The following AMBP variants were observed in gnomAD, a reference collection of about 807,000 sequenced individuals.
AMBP encodes protein AMBP.
A neutral mutation model predicts 46.3 loss-of-function variants in AMBP; 37 were observed. The ratio of observed to expected loss-of-function variants is 0.80; its 90% CI spans 0.61 to 1.05. The LOEUF is 1.05. Ranked by LOEUF, AMBP falls within the 50% of genes least tolerant of loss-of-function variation. The pLI, the probability that AMBP is intolerant of heterozygous loss-of-function variation, is 0.00. For synonymous variants in AMBP, 174 were observed against 175.9 expected (o/e 0.99, Z 0.09); for missense variants, 475 against 461.2 (o/e 1.03, Z -0.27).
chr9:114,063,153 G>T (rs917076187), intron 6 of AMBP, among the ~76,000 whole-genome samples: 4 of 152,018 alleles, frequency 2.6e-5, no homozygotes, highest in African/African-American at 7.3e-5. Context: ...TTACAGGAAG[G>T]GCTGACCAGA....
intron 3 of AMBP, 117 bp downstream of exon 3, chr9:114,074,843 G>T: frequency 1.2e-6 from 1 of 855,828 alleles, no homozygotes; most frequent in Non-Finnish European, 1.9e-6. Context: ...TTGGGGGAAG[G>T]CTAGATGACA....
Position 114,072,983 on chromosome 9 carries a change from T to C in AMBP, c.498A>G (p.Arg166=). The C allele has an allele frequency of 6.2e-7, 1 of 1,613,878 alleles. No individual in the cohort carries two copies. The highest frequency in any genetic ancestry group is 8.5e-7 in the Non-Finnish European group (1 of 1,179,844). Residue 166 remains arginine, a synonymous_variant, in exon 5 of 10, where the codon AGA becomes AGG. Transcript: ENST00000265132. ...QLRETLLQDF[R]VVAQGVGIPE... Reference sequence around the variant, plus strand: ...GGATGCCCACACCCTGGGCAACCACTCTGAAGTCCTGCAGGAGAGTTTCCC... The same window carrying C: ...GGATGCCCACACCCTGGGCAACCACCCTGAAGTCCTGCAGGAGAGTTTCCC...
chr9:114,065,963 C>A lies in AMBP; in HGVS notation c.604-3205G>T, dbSNP rs556556636. Among the ~76,000 whole-genome samples, 23 of 152,326 alleles carry A rather than the reference C, an allele frequency of 1.5e-4. No homozygotes were observed. The South Asian group carries it at 4.6e-3, about 30-fold the overall frequency. ...ACACCTTAATAAACTACCTGGATTT[C>A]CCTCAGCAATGGATGTACTTTCTCA... is the stretch of plus-strand genomic sequence containing the variant. On this transcript the variant is annotated intron_variant, in intron 6 of 9. Transcript: ENST00000265132.
intron 9 of AMBP, 120 bp downstream of exon 9, chr9:114,060,805 G>T: frequency 8.4e-7 from 1 of 1,184,180 alleles, no homozygotes; most frequent in Non-Finnish European, 1.2e-6. Context: ...GAGTAGATGG[G>T]CTGCTTACCA....
Position 114,078,263 on chromosome 9 carries a change from A to C in AMBP, c.-54T>G. On this transcript the variant is annotated 5_prime_UTR_variant, in exon 1 of 10. Coordinates refer to ENST00000265132, the MANE Select transcript of AMBP (RefSeq NM_001633.4). ...CCCACAGGCTCGGTCTAGCAACAGA[A>C]GGGCCACCGCCTCCCTGCAACAGGG... 1.9e-6 allele frequency: 3 copies of C among 1,539,698 alleles called. No homozygotes were observed. The highest frequency in any genetic ancestry group is 2.7e-6 in the Non-Finnish European group (3 of 1,122,260).
At chr9:114,061,261 G>T in intron 8 of AMBP, 163 bp from the exon 9 acceptor site, 1 of 1,399,988 alleles carries the variant, frequency 7.1e-7, no homozygotes, top group Non-Finnish European at 9.7e-7. Flanking sequence ...TTTGCCCGAG[G>T]TCCTCCACAT....
At chr9:114,065,872 A>G (rs1846688395) in intron 6 of AMBP, among the ~76,000 whole-genome samples, 1 of 152,196 alleles carries the variant, frequency 6.6e-6, no homozygotes, top group African/African-American at 2.4e-5. Context: ...AAACTACCCA[A>G]ACCCACCTCA....
chr9:114,073,106 A>AT, intron 4 of AMBP, 80 bp from the exon 5 acceptor site: 1 of 1,301,724 alleles, frequency 7.7e-7, no homozygotes, highest in Non-Finnish European at 1.1e-6. Context: ...TTGCCCAGTG[A>AT]TTTTCACTTA....
At chr9:114,070,365 G>T (rs1004422504) in intron 5 of AMBP, among the ~76,000 whole-genome samples, 3 of 152,080 alleles carry the variant, frequency 2.0e-5, no homozygotes, top group South Asian at 2.1e-4. Context: ...ATGCAGCCAG[G>T]TAGACCCCAC....
chr9:114,066,376 C>CGTGTGTGCGTGTGTGT, intron 6 of AMBP, among the ~76,000 whole-genome samples: 1 of 141,280 alleles, frequency 7.1e-6, no homozygotes, highest in East Asian at 2.2e-4. Context: ...TTTATGTGCA[C>CGTGTGTGCGTGTGTGT]GTGTGTGTGT....
At chr9:114,074,206 A>C in intron 3 of AMBP, 54 bp from the exon 4 acceptor site, 1 of 1,446,354 alleles carries the variant, frequency 6.9e-7, no homozygotes. Context: ...AGACTCTTCT[A>C]GCTGGAGGTC....
rs1406580546 is a variant in AMBP at position 114,061,405 on chromosome 9, G to A, written c.853+19C>T. The A allele has an allele frequency of 5.0e-6, 8 of 1,613,948 alleles. No homozygotes were observed. The highest frequency in any genetic ancestry group is 5.9e-6 in the Non-Finnish European group (7 of 1,179,948). Reference sequence around the variant, plus strand: ...GTCTTGAGGGTGCAGAGCGCACAGGGGTGGGGACCCGCACTCACCCACAGT... The same window carrying A: ...GTCTTGAGGGTGCAGAGCGCACAGGAGTGGGGACCCGCACTCACCCACAGT... On this transcript the variant is annotated intron_variant, in intron 8 of 9. Transcript: ENST00000265132.
At chr9:114,063,831 A>T (rs1846665855) in intron 6 of AMBP, among the ~76,000 whole-genome samples, 1 of 152,242 alleles carries the variant, frequency 6.6e-6, no homozygotes, top group Non-Finnish European at 1.5e-5. Context: ...AGAGATGATA[A>T]AGTGCAGTTT....
At chr9:114,070,229 T>C (rs370085412) in intron 5 of AMBP, among the ~76,000 whole-genome samples, 1 of 152,198 alleles carries the variant, frequency 6.6e-6, no homozygotes, top group African/African-American at 2.4e-5. Context: ...GCCGCGGCCA[T>C]CACACTGGCT....
intron 3 of AMBP, 127 bp downstream of exon 3, chr9:114,074,833 T>C (rs1846787904): frequency 2.6e-6 from 2 of 757,398 alleles, no homozygotes; most frequent in Non-Finnish European, 4.5e-6. Context: ...GAGGAGTTGT[T>C]TGGGGGAAGG....
At chr9:114,063,896 A>G (rs1008474010) in intron 6 of AMBP, among the ~76,000 whole-genome samples, 5 of 152,250 alleles carry the variant, frequency 3.3e-5, no homozygotes, top group Admixed American at 1.3e-4. Context: ...GAAAATCAAT[A>G]CAGAAATAAT....
intron 5 of AMBP, 164 bp from the exon 6 acceptor site, chr9:114,069,909 G>A: frequency 1.5e-6 from 1 of 648,246 alleles, no homozygotes; most frequent in Non-Finnish European, 2.7e-6. Flanking sequence ...GCCATTCACT[G>A]GAAAAGCAAG....
At chr9:114,074,897 G>A in intron 3 of AMBP, 63 bp downstream of exon 3, 1 of 1,429,078 alleles carries the variant, frequency 7.0e-7, no homozygotes. Flanking sequence ...AGAGGGAGCT[G>A]AGGACATCAA....
Position 114,060,572 on chromosome 9 carries a change from C to T in AMBP, c.1028-302G>A, listed in dbSNP as rs10982048. On this transcript the variant is annotated intron_variant, in intron 9 of 9. Coordinates refer to ENST00000265132, the MANE Select transcript of AMBP (RefSeq NM_001633.4). ...TGCTGTTAGCTGAGTACTAACTCCG[C>T]GTCAGGTACTGGGAAGGCTGGGAGG... Among the ~76,000 whole-genome samples, 109 of 152,202 alleles carry T rather than the reference C, an allele frequency of 7.2e-4. 1 individual carries two copies. The highest frequency in any genetic ancestry group is 2.9e-3 in the East Asian group (15 of 5,186).
Sources: gnomAD v4.1 joint callset for allele counts (sites outside exome capture counted in the v4.1 genomes callset) on GRCh38, gnomAD v4.1.1 for gene constraint, MANE v1.5 for transcripts, NCBI Gene and HGNC (gene_info 2026-07-23, HGNC 2026-07-21) for gene names.